The following ZBTB1 variants were observed in gnomAD, a reference collection of about 807,000 sequenced individuals.
The protein encoded by ZBTB1 is zinc finger and BTB domain-containing protein 1.
ZBTB1 carries 13 observed loss-of-function variants against 51.6 expected under a neutral mutation model. That is an observed-to-expected ratio of 0.25 (90% CI 0.16 to 0.40). The LOEUF (loss-of-function observed/expected upper bound fraction) is 0.40. ZBTB1 is among the 10% of genes least tolerant of loss of function. ZBTB1 has a pLI of 1.00. For synonymous variants in ZBTB1, 240 were observed against 282.2 expected (o/e 0.85, Z 1.50); for missense variants, 567 against 856.5 (o/e 0.66, Z 4.22).
chr14:64,524,057 A>C lies in ZBTB1; in HGVS notation c.*411A>C. The C allele has an allele frequency of 1.0e-6, 1 of 984,618 alleles. No individual in the cohort carries two copies. The highest frequency in any genetic ancestry group is 1.2e-6 in the Non-Finnish European group (1 of 829,426). The allele number at this position is 984,618 out of a possible 1,614,324, so 61.0% of individuals were successfully genotyped here. The stretch of plus-strand genomic sequence containing the variant: ...GGCCATTTCTGTTTAAATTTTAAAA[A>C]TTCCTTAAGTAATTATTTGAAACTA... On this transcript the variant is annotated 3_prime_UTR_variant, in exon 2 of 2. Transcript: ENST00000683701.
chr14:64,521,493 A>C lies in ZBTB1; in HGVS notation c.-12A>C. On this transcript the variant is annotated 5_prime_UTR_variant, in exon 2 of 2. Coordinates refer to ENST00000683701, the MANE Select transcript of ZBTB1 (RefSeq NM_001123329.2). The stretch of plus-strand genomic sequence containing the variant: ...ATATTTTTGTTTTACATAGGTCTCT[A>C]ATTAACAGAAGATGGCAAAGCCCAG... The C allele has an allele frequency of 6.3e-7, 1 of 1,580,098 alleles. No homozygotes were observed.
At chr14:64,505,646 A>G (rs1206335655) in intron 1 of ZBTB1, among the ~76,000 whole-genome samples, 1 of 152,080 alleles carries the variant, frequency 6.6e-6, no homozygotes, top group Non-Finnish European at 1.5e-5. Flanking sequence ...GAGCTCAGCC[A>G]CCCCACCCAG....
intron 1 of ZBTB1, among the ~76,000 whole-genome samples, chr14:64,510,427 G>C (rs2079712790): frequency 6.6e-6 from 1 of 152,196 alleles, no homozygotes; most frequent in African/African-American, 2.4e-5. Flanking sequence ...GCAAAATAAA[G>C]AGGTAATACA....
At chr14:64,519,651 G>A (rs1365216369) in intron 1 of ZBTB1, among the ~76,000 whole-genome samples, 1 of 150,748 alleles carries the variant, frequency 6.6e-6, no homozygotes, top group Non-Finnish European at 1.5e-5. Flanking sequence ...GGTGGCATGT[G>A]CCTACAGTCC....
In ZBTB1 at chr14:64,522,492, G is replaced by C. The variant is rs1430049557; in HGVS notation, c.988G>C (p.Glu330Gln). Residue 330 changes from glutamate (E) to glutamine (Q), a missense_variant, in exon 2 of 2, where the codon GAG (glutamate) becomes CAG (glutamine). Coordinates refer to ENST00000683701, the MANE Select transcript of ZBTB1 (RefSeq NM_001123329.2). The part of the protein sequence containing the change: ...AERKRIIIKM[E>Q]PEDIPTDELK... ...GAGGAAAAGGATTATTATTAAGATG[G>C]AGCCAGAAGATATTCCTACAGATGA... 1 of 1,614,092 alleles carries C rather than the reference G, an allele frequency of 6.2e-7. No homozygotes were observed. Among genetic ancestry groups the C allele is most frequent in the Non-Finnish European group, 8.5e-7 (1 of 1,180,024 alleles).
At chr14:64,528,986 G>A (rs2079924353), downstream of ZBTB1, among the ~76,000 whole-genome samples, 1 of 152,196 alleles carries the variant, frequency 6.6e-6, no homozygotes. Context: ...GCTCCTATGA[G>A]ATTGTGCTCC....
rs1482375409 is a variant in ZBTB1, at chr14:64,521,851, T to C, written c.347T>C (p.Ile116Thr). The C allele has an allele frequency of 6.2e-7, 1 of 1,612,604 alleles. No homozygotes were observed. The highest frequency in any genetic ancestry group is 1.7e-5 in the Admixed American group (1 of 60,004). Residue 116 changes from isoleucine to threonine, a missense_variant, in exon 2 of 2, where the codon ATC (isoleucine) becomes ACC (threonine). Ile to Thr is a moderately conservative substitution (Grantham distance 89). Transcript: ENST00000683701. ...AATGTTCCTGACTGTTTAGAAGACA[T>C]CCAGGATGCAGATTGTTCTAGTTCA... Reference protein sequence around the residue: ...LYNVPDCLEDIQDADCSSSKC... With the variant: ...LYNVPDCLEDTQDADCSSSKC...
Position 64,524,618 on chromosome 14 carries a change from TC to T in ZBTB1, c.*973del, listed in dbSNP as rs2079889212. ...GAAAGCTTCCATGTATATTGATAAA[TC>T]TAATAAAATAAAGAGATCAATTATA... is the stretch of plus-strand genomic sequence containing the variant. On this transcript the variant is annotated 3_prime_UTR_variant, in exon 2 of 2. Coordinates refer to ENST00000683701, the MANE Select transcript of ZBTB1 (RefSeq NM_001123329.2). 1 of 982,008 alleles carries T rather than the reference TC, an allele frequency of 1.0e-6. No homozygotes were observed. The allele number at this position is 982,008 out of a possible 1,614,324, so 60.8% of individuals were successfully genotyped here. A position where few individuals can be genotyped will look rare whatever the true frequency, so the allele number is the denominator to read the frequency against.
exon 3 of ZBTB1, chr14:64,533,060 A>G (rs951626136): frequency 2.6e-5 from 4 of 152,120 alleles, no homozygotes; most frequent in African/African-American, 4.8e-5. Flanking sequence ...AGAAGCACAG[A>G]GATTTATAGT....
chr14:64,515,417 T>C (rs1258336400), intron 1 of ZBTB1, among the ~76,000 whole-genome samples: 2 of 152,130 alleles, frequency 1.3e-5, no homozygotes, highest in East Asian at 1.9e-4. Flanking sequence ...GTTCATTAAC[T>C]TTTTTTGGCA....
Position 64,521,591 on chromosome 14 carries a change from A to G in ZBTB1, c.87A>G (p.Ala29=). The G allele has an allele frequency of 6.2e-7, 1 of 1,614,202 alleles. No homozygotes were observed. The highest frequency in any genetic ancestry group is 8.5e-7 in the Non-Finnish European group (1 of 1,180,040). ...GTTTTCTCTGTGACTGCTGTATTGC[A>G]ATTGATGACATTTACTTTCAAGCAC... The part of the protein sequence containing the change: ...EWGFLCDCCI[A]IDDIYFQAHK... The change falls in exon 2 of 2, where the codon GCA becomes GCG. Residue 29 remains alanine, a synonymous_variant. Coordinates refer to ENST00000683701, the MANE Select transcript of ZBTB1 (RefSeq NM_001123329.2).
intron 1 of ZBTB1, among the ~76,000 whole-genome samples, chr14:64,508,453 G>A (rs2079689629): frequency 6.6e-6 from 1 of 152,146 alleles, no homozygotes; most frequent in African/African-American, 2.4e-5. Context: ...AGAATGATGA[G>A]AGCTTTTAGA....
At position 64,524,227 on chromosome 14, in the gene ZBTB1, AG is replaced by A; in HGVS notation, c.*582del. On this transcript the variant is annotated 3_prime_UTR_variant, in exon 2 of 2. Coordinates refer to ENST00000683701, the MANE Select transcript of ZBTB1 (RefSeq NM_001123329.2). Reference sequence around the variant, plus strand: ...ACATGGGCTCAAACTTGGCCTAAAAAGATTGATGAACCTGAGGAAATTTTTA... The same window carrying A: ...ACATGGGCTCAAACTTGGCCTAAAAAATTGATGAACCTGAGGAAATTTTTA... 5.1e-6 allele frequency: 5 copies of A among 985,158 alleles called. No individual in the cohort carries two copies. The highest frequency in any genetic ancestry group is 6.0e-6 in the Non-Finnish European group (5 of 829,750). The allele number at this position is 985,158 out of a possible 1,614,324, so 61.0% of individuals were successfully genotyped here.
chr14:64,514,874 T>G (rs529322002), intron 1 of ZBTB1, among the ~76,000 whole-genome samples: 1 of 152,334 alleles, frequency 6.6e-6, no homozygotes, highest in Admixed American at 6.5e-5. Flanking sequence ...TTAGTCCTAG[T>G]ATGTGCTTCA....
downstream of ZBTB1, among the ~76,000 whole-genome samples, chr14:64,525,599 A>C (rs1006187395): frequency 6.6e-6 from 1 of 152,130 alleles, no homozygotes; most frequent in African/African-American, 2.4e-5. Flanking sequence ...TTTTTCTTGC[A>C]GTGGCTTTCC....
At chr14:64,520,767 A>T (rs1475240160) in intron 1 of ZBTB1, among the ~76,000 whole-genome samples, 1 of 152,244 alleles carries the variant, frequency 6.6e-6, no homozygotes, top group Non-Finnish European at 1.5e-5. Context: ...TAATCATTTA[A>T]TAAGTTTTTC....
At position 64,522,399 on chromosome 14, in the gene ZBTB1, A is replaced by T; in HGVS notation, c.895A>T (p.Thr299Ser). 1 of 1,614,152 alleles carries T rather than the reference A, an allele frequency of 6.2e-7. No homozygotes were observed. ...SQAADDSASTTGSRKSSTVES... is the reference protein window; with the variant it reads ...SQAADDSASTSGSRKSSTVES... Reference sequence around the variant, plus strand: ...GGCTGCTGATGATTCAGCTTCAACCACTGGAAGCAGAAAAAGTAGCACAGT... The same window carrying T: ...GGCTGCTGATGATTCAGCTTCAACCTCTGGAAGCAGAAAAAGTAGCACAGT... The change falls in exon 2 of 2, where the codon ACT (threonine) becomes TCT (serine). Residue 299 changes from threonine (T) to serine (S), a missense_variant. Thr to Ser is a moderately conservative substitution (Grantham distance 58). Transcript: ENST00000683701.
In ZBTB1 at chr14:64,532,040, T is replaced by C. The variant is rs1318576746; in HGVS notation, c.*143T>C. The C allele has an allele frequency of 6.2e-6, 6 of 965,698 alleles. No individual in the cohort carries two copies. The Admixed American group carries it at 1.2e-4, about 19-fold the overall frequency. The allele number at this position is 965,698 out of a possible 1,614,324, so 59.8% of individuals were successfully genotyped here. Reference sequence around the variant, plus strand: ...CTTCCATCAACCCAAAAAGTTCCAGTTGCAAAGATCCAAGAAAACTCAGTA... The same window carrying C: ...CTTCCATCAACCCAAAAAGTTCCAGCTGCAAAGATCCAAGAAAACTCAGTA... On this transcript the variant is annotated 3_prime_UTR_variant, in exon 3 of 3. Transcript: ENST00000358738.
At chr14:64,505,557 T>C (rs1313968047) in intron 1 of ZBTB1, among the ~76,000 whole-genome samples, 1 of 152,192 alleles carries the variant, frequency 6.6e-6, no homozygotes, top group Non-Finnish European at 1.5e-5. Flanking sequence ...CTTGCAGCGG[T>C]GGGCGCTTAC....
Sources: allele counts gnomAD v4.1 joint callset (sites outside exome capture counted in the v4.1 genomes callset), GRCh38; gene constraint gnomAD v4.1.1; transcripts MANE v1.5; gene names NCBI Gene and HGNC (gene_info 2026-07-23, HGNC 2026-07-21).